The following WNT7B variants were observed in gnomAD, a reference collection of about 807,000 sequenced individuals.
WNT7B encodes the protein protein Wnt-7b.
A neutral mutation model predicts 38.2 loss-of-function variants in WNT7B; 19 were observed. The ratio of observed to expected loss-of-function variants is 0.50; its 90% CI spans 0.35 to 0.73. The LOEUF is 0.73. WNT7B is among the 30% of genes least tolerant of loss of function. The pLI is 0.01. For synonymous variants in WNT7B, 243 were observed against 209.3 expected (o/e 1.16, Z -1.39); for missense variants, 423 against 507.9 (o/e 0.83, Z 1.61).
intron 3 of WNT7B, among the ~76,000 whole-genome samples, chr22:45,930,397 CGGAGCCGGCT>C (rs200457501): frequency 0.013 from 1,998 of 152,350 alleles, 15 homozygotes; most frequent in Admixed American, 0.02. Context: ...GCCTCGGAGC[CGGAGCCGGCT>C]GGGCGTTCCA....
chr22:45,952,974 C>T (rs1288569859), intron 1 of WNT7B, among the ~76,000 whole-genome samples: 2 of 152,208 alleles, frequency 1.3e-5, no homozygotes, highest in African/African-American at 2.4e-5. Flanking sequence ...GCCCCTTCTC[C>T]GTTTTTCTGT....
intron 1 of WNT7B, among the ~76,000 whole-genome samples, chr22:45,969,052 C>T (rs537642370): frequency 1.5e-4 from 23 of 152,370 alleles, no homozygotes; most frequent in Non-Finnish European, 2.8e-4. Flanking sequence ...TGTCCCCACA[C>T]GGGCCATGGT....
At chr22:45,924,526 T>A (rs1341781348) in intron 3 of WNT7B, among the ~76,000 whole-genome samples, 2 of 152,188 alleles carry the variant, frequency 1.3e-5, no homozygotes, top group Non-Finnish European at 2.9e-5. Flanking sequence ...GTGTGGGTAT[T>A]GATGGATGAG....
rs1053295816 is a variant in WNT7B, at chr22:45,966,062, G to A, written c.71+10622C>T. On this transcript the variant is annotated intron_variant, in intron 1 of 3. Transcript: ENST00000339464. The surrounding 1 kb of genome is among the most constrained non-coding windows in gnomAD (Gnocchi z 4.2). ...CACTCCACCACCTACCAAGGCAGACGGGCCTCTCCTAGCTCCCCTTCTCTG... is the reference window on the plus strand; with the variant it reads ...CACTCCACCACCTACCAAGGCAGACAGGCCTCTCCTAGCTCCCCTTCTCTG... 2.6e-5 allele frequency among the ~76,000 whole-genome samples: 4 copies of A among 152,102 alleles called. No homozygotes were observed. Among genetic ancestry groups the A allele is most frequent in the East Asian group, 1.9e-4 (1 of 5,180 alleles).
At chr22:45,924,041 T>C (rs538796082) in intron 3 of WNT7B, among the ~76,000 whole-genome samples, 1 of 152,306 alleles carries the variant, frequency 6.6e-6, no homozygotes, top group African/African-American at 2.4e-5. Context: ...CCCGGAAGGC[T>C]GATTCCCAGA....
intron 2 of WNT7B, among the ~76,000 whole-genome samples, chr22:45,935,104 C>G (rs1385356200): frequency 6.6e-6 from 1 of 152,188 alleles, no homozygotes; most frequent in Non-Finnish European, 1.5e-5. Context: ...CCCCGTGTCC[C>G]TCCCCAAGTC....
rs1017714654 is a variant in WNT7B at position 45,965,992 on chromosome 22, T to C, written c.71+10692A>G. Among the ~76,000 whole-genome samples the C allele has an allele frequency of 5.9e-5, 9 of 152,148 alleles. No homozygotes were observed. The highest frequency in any genetic ancestry group is 1.3e-4 in the Non-Finnish European group (9 of 68,024). On this transcript the variant is annotated intron_variant, in intron 1 of 3. Coordinates refer to ENST00000339464, the MANE Select transcript of WNT7B (RefSeq NM_058238.3). The surrounding 1 kb of genome is among the most constrained non-coding windows in gnomAD (Gnocchi z 6.5). ...CCCTGGGCTCAAATCTGGGCTCAGC[T>C]GCTTGACCTGGGCGAGTGACTCTGC...
chr22:45,970,921 G>A (rs115678963), intron 1 of WNT7B, among the ~76,000 whole-genome samples: 2,286 of 152,372 alleles, frequency 0.015, 25 homozygotes, highest in African/African-American at 0.042. Flanking sequence ...TGCCCGCCGG[G>A]CCTGGAGCGC....
In WNT7B at chr22:45,975,698, T is replaced by A. The variant is rs1010317024; in HGVS notation, c.71+986A>T. The A allele has an allele frequency of 5.2e-6, 3 of 578,676 alleles. No homozygotes were observed. Among genetic ancestry groups the A allele is most frequent in the Non-Finnish European group, 9.7e-6 (3 of 309,284 alleles). 35.8% of individuals were successfully genotyped at this position (578,676 alleles called of 1,614,324 possible). A position where few individuals can be genotyped will look rare whatever the true frequency, so the allele number is the denominator to read the frequency against. The stretch of plus-strand genomic sequence containing the variant: ...TCTGTTCACCGCCTTGCCTGTGGCC[T>A]GGACGGGGCTCGCCTCGGGGCAGCC... On this transcript the variant is annotated intron_variant, in intron 1 of 3. Transcript: ENST00000339464. This position sits in a 1 kb window ranked among gnomAD's most constrained non-coding sequence, Gnocchi z 6.6.
chr22:45,920,991 A>G lies in WNT7B; in HGVS notation c.*1865T>C, dbSNP rs1341567869. ...GCCCGGAGACTCAGAGCGTCCAGGCATGGTTAGAGGCACATGGGCTGGACC... is the reference window on the plus strand; with the variant it reads ...GCCCGGAGACTCAGAGCGTCCAGGCGTGGTTAGAGGCACATGGGCTGGACC... On this transcript the variant is annotated 3_prime_UTR_variant, in exon 4 of 4. Coordinates refer to ENST00000339464, the MANE Select transcript of WNT7B (RefSeq NM_058238.3). 1 of 152,194 alleles carries G rather than the reference A, an allele frequency of 6.6e-6. No homozygotes were observed. The highest frequency in any genetic ancestry group is 1.5e-5 in the Non-Finnish European group (1 of 68,086). The allele number at this position is 152,194 out of a possible 1,614,324, so 9.4% of individuals were successfully genotyped here.
Position 45,931,286 on chromosome 22 carries a change from G to C in WNT7B, c.382C>G (p.Leu128Val), listed in dbSNP as rs766322231. Residue 128 changes from leucine to valine, a missense_variant, in exon 3 of 4, where the codon CTG (leucine) becomes GTG (valine). Leu to Val is a conservative substitution (Grantham distance 32). This residue lies in a region of WNT7B where 132 missense variants were observed against 113.4 expected (regional missense o/e 1.16). Transcript: ENST00000339464. ...TCGCGGTCGCAGCCGCAGTTGCTCA[G>C]GTTCCCTTGGCTGCAGGCAGCGGTG... ...AVTAACSQGN[L>V]SNCGCDREKQ... 1 of 1,598,408 alleles carries C rather than the reference G, an allele frequency of 6.3e-7. No homozygotes were observed. Among genetic ancestry groups the C allele is most frequent in the Non-Finnish European group, 8.5e-7 (1 of 1,179,588 alleles).
At chr22:45,941,849 G>C (rs10453453) in intron 2 of WNT7B, among the ~76,000 whole-genome samples, 120,283 of 152,214 alleles carry the variant, frequency 0.79, 47,803 homozygotes, top group Admixed American at 0.87. Context: ...GCCTGGTGTC[G>C]TGGGTTCTTT....
chr22:45,969,561 C>G (rs369565466), intron 1 of WNT7B, among the ~76,000 whole-genome samples: 1 of 152,248 alleles, frequency 6.6e-6, no homozygotes, highest in Non-Finnish European at 1.5e-5. Flanking sequence ...ACAGAGAAGG[C>G]GAGGGCTGGC....
Position 45,962,945 on chromosome 22 carries a change from C to T in WNT7B, c.72-12799G>A, listed in dbSNP as rs559407808. ...CCAGAATGGGAGTATGGACACTCTG[C>T]GGCTGGGCCAGCGCCTCGGCCTTCC... On this transcript the variant is annotated intron_variant, in intron 1 of 3. Transcript: ENST00000339464. Among the ~76,000 whole-genome samples, 8 of 152,344 alleles carry T rather than the reference C, an allele frequency of 5.3e-5. No individual in the cohort carries two copies. The East Asian group carries it at 5.8e-4, about 11-fold the overall frequency.
chr22:45,922,643 C>T lies in WNT7B; in HGVS notation c.*213G>A, dbSNP rs972933721. 81 of 765,484 alleles carry T rather than the reference C, an allele frequency of 1.1e-4. 1 individual carries two copies. Among genetic ancestry groups the T allele is most frequent in the East Asian group, 4.9e-4 (18 of 36,396 alleles). 47.4% of individuals were successfully genotyped at this position (765,484 alleles called of 1,614,324 possible). On this transcript the variant is annotated 3_prime_UTR_variant, in exon 4 of 4. Coordinates refer to ENST00000339464, the MANE Select transcript of WNT7B (RefSeq NM_058238.3). ...GGGTGGGTCACGGGTGCTGTTCTGC[C>T]GCAGGAGGTGATGGGAGGAGGTGGC...
intron 2 of WNT7B, among the ~76,000 whole-genome samples, chr22:45,939,632 A>ACACAC (rs1931593545): frequency 6.9e-6 from 1 of 144,786 alleles, no homozygotes; most frequent in African/African-American, 2.7e-5. Context: ...TGTCTCTACA[A>ACACAC]ACACACACAC....
intron 2 of WNT7B, among the ~76,000 whole-genome samples, chr22:45,944,055 C>T (rs531663123): frequency 6.6e-5 from 10 of 152,296 alleles, no homozygotes; most frequent in African/African-American, 2.4e-4. Context: ...CTCGGCCCCT[C>T]ATGAGGCAGG....
chr22:45,941,564 C>T (rs1326903212), intron 2 of WNT7B, among the ~76,000 whole-genome samples: 6 of 150,222 alleles, frequency 4.0e-5, no homozygotes, highest in Admixed American at 4.0e-4. Flanking sequence ...GACCCCAATG[C>T]AGTGAGGGCA....
chr22:45,935,326 A>C (rs1435039483), intron 2 of WNT7B, among the ~76,000 whole-genome samples: 1 of 152,190 alleles, frequency 6.6e-6, no homozygotes, highest in Non-Finnish European at 1.5e-5. Flanking sequence ...AAGGCCCCAG[A>C]GGCCTGACCC....
Sources: allele counts gnomAD v4.1 joint callset (sites outside exome capture counted in the v4.1 genomes callset), GRCh38; gene constraint gnomAD v4.1.1; regional missense constraint gnomAD v4.1.1; non-coding constraint Gnocchi (gnomAD v3.1); transcripts MANE v1.5; gene names NCBI Gene and HGNC (gene_info 2026-07-23, HGNC 2026-07-21).